The following CNKSR2 variants were observed in gnomAD, a reference collection of about 807,000 sequenced individuals.
CNKSR2 encodes the protein connector enhancer of kinase suppressor of Ras 2.
Under a neutral mutation model 84.4 loss-of-function variants are expected in CNKSR2, and 14 were observed. The observed-to-expected ratio is 0.17, with a 90% CI of 0.11 to 0.26. The LOEUF (loss-of-function observed/expected upper bound fraction) is 0.26. Ranked by LOEUF, CNKSR2 falls within the 10% of genes least tolerant of loss-of-function variation. The probability of loss-of-function intolerance (pLI) is 1.00; values close to 1 mark genes in which losing one functional copy is unlikely to be tolerated. For missense variants in CNKSR2, 485 were observed against 771.2 expected, an observed-to-expected ratio of 0.63 and a Z score of 4.40; for synonymous variants, 275 against 277.9, an observed-to-expected ratio of 0.99 and a Z score of 0.10.
intron 20 of CNKSR2, 37 bp from the exon 21 acceptor site, chrX:21,648,794 C>G: frequency 6.3e-6 from 2 of 316,348 alleles, no homozygotes; most frequent in Non-Finnish European, 9.5e-6. Flanking sequence ...CTCTCTCTTT[C>G]TTTTTTTTTT....
At chrX:21,636,142 C>T (rs2092671637) in intron 20 of CNKSR2, among the ~76,000 whole-genome samples, 1 of 111,561 alleles carries the variant, frequency 9.0e-6, no homozygotes, top group Non-Finnish European at 1.9e-5. Flanking sequence ...GATGTAGTCA[C>T]AAATGAAGTG....
At chrX:21,454,013 G>T (rs755475558) in intron 4 of CNKSR2, among the ~76,000 whole-genome samples, 1 of 111,634 alleles carries the variant, frequency 9.0e-6, no homozygotes, top group East Asian at 2.8e-4. Flanking sequence ...TTTGGGTGGG[G>T]ACACAAGTCC....
Position 21,591,061 on chromosome X carries a change from A to G in CNKSR2, c.1697A>G (p.Lys566Arg), listed in dbSNP as rs1272564658. 1 of 1,208,030 alleles carries G rather than the reference A, an allele frequency of 8.3e-7. No homozygotes were observed. Among genetic ancestry groups the G allele is most frequent in the Non-Finnish European group, 1.1e-6 (1 of 894,242 alleles). The change falls in exon 15 of 22, where the codon AAA becomes AGA. Residue 566 changes from lysine (K) to arginine (R), a missense_variant. Physicochemically the swap from Lys to Arg is conservative, Grantham distance 26 (BLOSUM62 2). Around this residue, in one of 5 missense-constraint regions of CNKSR2, gnomAD observed 30 missense variants for 78.9 expected, o/e 0.38. Coordinates refer to ENST00000379510, the MANE Select transcript of CNKSR2 (RefSeq NM_014927.5). ...AAGAGCAAAAGACGAATTTCTTGCA[A>G]AGATCTTGGCCGTGGTGACTGTGAG... ...AGKSKRRISCKDLGRGDCEGW... is the reference protein window; with the variant it reads ...AGKSKRRISCRDLGRGDCEGW...
chrX:21,412,517 T>C (rs1011869031), intron 1 of CNKSR2, among the ~76,000 whole-genome samples: 1 of 112,313 alleles, frequency 8.9e-6, no homozygotes, highest in Non-Finnish European at 1.9e-5. Flanking sequence ...AGTCCCATCA[T>C]GATTAGGCAA....
intron 11 of CNKSR2, among the ~76,000 whole-genome samples, chrX:21,537,665 C>T (rs56180642): frequency 0.015 from 1,657 of 110,787 alleles, 12 homozygotes; most frequent in Non-Finnish European, 0.025. Flanking sequence ...TCTAAGTATA[C>T]CTACTGATGC....
chrX:21,610,634 T>C (rs1455563326), intron 20 of CNKSR2, among the ~76,000 whole-genome samples: 2 of 112,449 alleles, frequency 1.8e-5, no homozygotes, highest in African/African-American at 6.5e-5. Flanking sequence ...CCTAGGGCAA[T>C]AGACTTCTCT....
rs767578541 is a variant in CNKSR2, at chrX:21,446,633, T to G, written c.519+5852T>G. On this transcript the variant is annotated intron_variant, in intron 4 of 21. Coordinates refer to ENST00000379510, the MANE Select transcript of CNKSR2 (RefSeq NM_014927.5). ...TATTAATATGGATGCTGAAATAGAT[T>G]GTTTTCATAGGTTTATTCTTTTATA... Among the ~76,000 whole-genome samples, 8 of 111,651 alleles carry G rather than the reference T, an allele frequency of 7.2e-5. No homozygotes were observed. The South Asian group carries it at 2.9e-3, about 41-fold the overall frequency.
chrX:21,377,117 G>C (rs1285692275), intron 1 of CNKSR2, among the ~76,000 whole-genome samples: 1 of 111,545 alleles, frequency 9.0e-6, no homozygotes, highest in Non-Finnish European at 1.9e-5. Flanking sequence ...AGATCAATTG[G>C]GTAGCCAAGA....
At chrX:21,590,281 T>C (rs912217781) in intron 13 of CNKSR2, among the ~76,000 whole-genome samples, 2 of 112,017 alleles carry the variant, frequency 1.8e-5, no homozygotes, top group African/African-American at 6.5e-5. Flanking sequence ...CGTGAAAAGG[T>C]ACAAAGTAGT....
intron 5 of CNKSR2, among the ~76,000 whole-genome samples, chrX:21,487,770 C>T (rs952755951): frequency 8.9e-6 from 1 of 112,533 alleles, no homozygotes; most frequent in Non-Finnish European, 1.9e-5. Context: ...TGTCCTTTCT[C>T]CATGGCTGCT....
chrX:21,614,378 C>A (rs996844178), intron 20 of CNKSR2, among the ~76,000 whole-genome samples: 3 of 111,490 alleles, frequency 2.7e-5, no homozygotes, highest in Non-Finnish European at 3.8e-5. Context: ...AAATTATATA[C>A]ACACACAAAT....
chrX:21,400,627 G>T (rs769133912), intron 1 of CNKSR2, among the ~76,000 whole-genome samples: 1 of 111,067 alleles, frequency 9.0e-6, no homozygotes, highest in Non-Finnish European at 1.9e-5. Flanking sequence ...CAGAAATATT[G>T]TAGGTCTCCT....
intron 20 of CNKSR2, among the ~76,000 whole-genome samples, chrX:21,641,210 T>C (rs992072546): frequency 3.6e-5 from 4 of 112,337 alleles, no homozygotes; most frequent in African/African-American, 1.3e-4. Context: ...TAAACTATTC[T>C]GATTAAAATT....
chrX:21,629,699 G>T (rs2092639081), intron 20 of CNKSR2, among the ~76,000 whole-genome samples: 1 of 111,902 alleles, frequency 8.9e-6, no homozygotes, highest in Admixed American at 9.4e-5. Flanking sequence ...CACAACTCGT[G>T]GGAATTATGG....
chrX:21,577,787 TC>T (rs1451113609), intron 13 of CNKSR2, among the ~76,000 whole-genome samples: 3 of 110,666 alleles, frequency 2.7e-5, no homozygotes, highest in Non-Finnish European at 5.7e-5. Flanking sequence ...CAAATTATTT[TC>T]TTCACTTAAC....
intron 13 of CNKSR2, among the ~76,000 whole-genome samples, chrX:21,565,353 G>GA (rs1427387854): frequency 1.8e-5 from 2 of 111,368 alleles, no homozygotes; most frequent in East Asian, 5.6e-4. Flanking sequence ...GAGCCAAATT[G>GA]GTAATCAGGA....
At chrX:21,390,397 G>GTCT (rs2090032526) in intron 1 of CNKSR2, among the ~76,000 whole-genome samples, 1 of 111,195 alleles carries the variant, frequency 9.0e-6, no homozygotes, top group Non-Finnish European at 1.9e-5. Context: ...GGCTGTACAG[G>GTCT]AAACATGGCT....
chrX:21,605,281 C>T (rs1354921604), intron 18 of CNKSR2, among the ~76,000 whole-genome samples: 1 of 111,914 alleles, frequency 8.9e-6, no homozygotes, highest in African/African-American at 3.2e-5. Context: ...TGAGGGAAAA[C>T]TTGGTATACT....
At chrX:21,640,610 C>A (rs2092688569) in intron 20 of CNKSR2, among the ~76,000 whole-genome samples, 2 of 111,580 alleles carry the variant, frequency 1.8e-5, no homozygotes, top group African/African-American at 3.3e-5. Flanking sequence ...ACATAATGAA[C>A]AACATGCTTT....
Sources: gnomAD v4.1 joint callset for allele counts (sites outside exome capture counted in the v4.1 genomes callset) on GRCh38, gnomAD v4.1.1 for gene constraint, gnomAD v4.1.1 regional missense constraint, MANE v1.5 for transcripts, NCBI Gene and HGNC (gene_info 2026-07-23, HGNC 2026-07-21) for gene names.